Variants in TMEM119 observed in about 807,000 individuals in gnomAD.
TMEM119 encodes the protein osteoblast induction factor.
For synonymous variants in TMEM119, 182 were observed against 176.4 expected, an observed-to-expected ratio of 1.03 and a Z score of -0.25; for missense variants, 410 against 381.0, an observed-to-expected ratio of 1.08 and a Z score of -0.63.
intron 1 of TMEM119, among the ~76,000 whole-genome samples, chr12:108,597,346 T>C (rs1592808179): frequency 6.7e-6 from 1 of 149,800 alleles, no homozygotes; most frequent in Admixed American, 6.6e-5. Flanking sequence ...GGGGGAGGGG[T>C]GTTCTGGTTG....
chr12:108,591,692 G>A lies in TMEM119; in HGVS notation c.692C>T (p.Ala231Val), dbSNP rs151298360. The change falls in exon 2 of 2, where the codon GCG becomes GTG. Residue 231 changes from alanine (A) to valine (V), a missense_variant. Physicochemically the swap from Ala to Val is moderately conservative, Grantham distance 64. Transcript: ENST00000392806. This position sits in a 1 kb window ranked among gnomAD's most constrained non-coding sequence, Gnocchi z 4.2. The stretch of plus-strand genomic sequence containing the variant: ...GACCCCTGAGCACGGCTCCTCCTGC[G>A]CCTCTGGTGTCTCCACTGGGACCCC... ...GHGVPVETPE[A>V]QEEPCSGVLE... 55 of 1,613,618 alleles carry A rather than the reference G, an allele frequency of 3.4e-5. No homozygotes were observed. In the African/African-American group the frequency reaches 6.1e-4, roughly 18 times the overall value.
At chr12:108,593,841 G>T (rs557914094) in intron 1 of TMEM119, among the ~76,000 whole-genome samples, 1 of 152,364 alleles carries the variant, frequency 6.6e-6, no homozygotes, top group Non-Finnish European at 1.5e-5. Context: ...GCTCCCAGCT[G>T]CTCAAACCCA....
rs1288358431 is a variant in TMEM119, at chr12:108,592,291, C to T, written c.93G>A (p.Lys31=). Residue 31 remains lysine, a synonymous_variant, in exon 2 of 2, where the codon AAG becomes AAA. Coordinates refer to ENST00000392806, the MANE Select transcript of TMEM119 (RefSeq NM_181724.3). The surrounding 1 kb of genome is among the most constrained non-coding windows in gnomAD (Gnocchi z 4.3). ...CCGCCACATCCTCCAGGAACGTGGC[C>T]TTCAGGGGCACAGAGCGGGCGTCGG... ...PATDARSVPL[K]ATFLEDVAGS... The T allele has an allele frequency of 1.2e-6, 2 of 1,608,980 alleles. No individual in the cohort carries two copies. Among genetic ancestry groups the T allele is most frequent in the African/African-American group, 1.3e-5 (1 of 74,816 alleles).
At chr12:108,597,487 G>A (rs922921988) in intron 1 of TMEM119, among the ~76,000 whole-genome samples, 5 of 151,572 alleles carry the variant, frequency 3.3e-5, no homozygotes, top group Middle Eastern at 3.2e-3. Flanking sequence ...AGAGCAGCAT[G>A]GACACACAAT....
In TMEM119 at chr12:108,591,631, C is replaced by A. The variant is rs756004956; in HGVS notation, c.753G>T (p.Gly251=). 7 of 1,613,872 alleles carry A rather than the reference C, an allele frequency of 4.3e-6. No individual in the cohort carries two copies. The highest frequency in any genetic ancestry group is 5.9e-6 in the Non-Finnish European group (7 of 1,179,988). Residue 251 remains glycine, a synonymous_variant, in exon 2 of 2, where the codon GGG becomes GGT. Coordinates refer to ENST00000392806, the MANE Select transcript of TMEM119 (RefSeq NM_181724.3). This position sits in a 1 kb window ranked among gnomAD's most constrained non-coding sequence, Gnocchi z 4.2. ...CTAACAAGAGAGACCCTTCCAGCTCCCCTTGGCCCTCACCGGCCACCACAG... is the reference window on the plus strand; with the variant it reads ...CTAACAAGAGAGACCCTTCCAGCTCACCTTGGCCCTCACCGGCCACCACAG... The part of the protein sequence containing the change: ...EGAVVAGEGQ[G]ELEGSLLLAQ...
chr12:108,591,263 C>T lies in TMEM119; in HGVS notation c.*269G>A, dbSNP rs958301892. ...ATCCTGGCTGTCACAGGGACACGTGCCCTCCCTCACTTTGTCAGGGGAGCT... is the reference window on the plus strand; with the variant it reads ...ATCCTGGCTGTCACAGGGACACGTGTCCTCCCTCACTTTGTCAGGGGAGCT... On this transcript the variant is annotated 3_prime_UTR_variant, in exon 2 of 2. Coordinates refer to ENST00000392806, the MANE Select transcript of TMEM119 (RefSeq NM_181724.3). The surrounding 1 kb of genome is among the most constrained non-coding windows in gnomAD (Gnocchi z 4.2). The T allele has an allele frequency of 5.0e-6, 2 of 397,600 alleles. No homozygotes were observed. Among genetic ancestry groups the T allele is most frequent in the Admixed American group, 4.2e-5 (1 of 23,698 alleles). 24.6% of individuals were successfully genotyped at this position (397,600 alleles called of 1,614,324 possible).
rs561782320 is a variant in TMEM119, at chr12:108,592,652, T to C, written c.-14-255A>G. On this transcript the variant is annotated intron_variant, in intron 1 of 1. Coordinates refer to ENST00000392806, the MANE Select transcript of TMEM119 (RefSeq NM_181724.3). This position sits in a 1 kb window ranked among gnomAD's most constrained non-coding sequence, Gnocchi z 4.3. ...CCTCAGGGTTTGGCCCCATATCTGG[T>C]ATTCAGTAAGTGCTCAATAAATGTA... Among the ~76,000 whole-genome samples, 1 of 152,224 alleles carries C rather than the reference T, an allele frequency of 6.6e-6. No homozygotes were observed. Among genetic ancestry groups the C allele is most frequent in the East Asian group, 1.9e-4 (1 of 5,184 alleles).
At position 108,592,297 on chromosome 12, in the gene TMEM119, G is replaced by C. The variant is rs112440164; in HGVS notation, c.87C>G (p.Pro29=). The change falls in exon 2 of 2, where the codon CCC becomes CCG. Residue 29 remains proline, a synonymous_variant. Transcript: ENST00000392806. This position sits in a 1 kb window ranked among gnomAD's most constrained non-coding sequence, Gnocchi z 4.3. ...CATCCTCCAGGAACGTGGCCTTCAG[G>C]GGCACAGAGCGGGCGTCGGTAGCAG... ...SVPATDARSV[P]LKATFLEDVA... 2.5e-6 allele frequency: 4 copies of C among 1,607,948 alleles called. No homozygotes were observed. The highest frequency in any genetic ancestry group is 1.7e-5 in the Admixed American group (1 of 59,662).
At chr12:108,597,624 C>A (rs1049592758) in intron 1 of TMEM119, among the ~76,000 whole-genome samples, 6 of 151,926 alleles carry the variant, frequency 3.9e-5, no homozygotes, top group African/African-American at 1.5e-4. Context: ...ATACACAACC[C>A]CCTGACACAC....
chr12:108,593,611 T>C (rs1047607305), intron 1 of TMEM119, among the ~76,000 whole-genome samples: 1 of 151,952 alleles, frequency 6.6e-6, no homozygotes, highest in Non-Finnish European at 1.5e-5. Context: ...GAAGTCCTGG[T>C]TCCCAAGACA....
intron 1 of TMEM119, chr12:108,594,156 A>G (rs919606681): frequency 2.0e-5 from 3 of 152,242 alleles, no homozygotes; most frequent in Admixed American, 1.3e-4. Context: ...TACCTTCCCC[A>G]CAGGTACCGT....
At position 108,591,578 on chromosome 12, in the gene TMEM119, G is replaced by T; in HGVS notation, c.806C>A (p.Pro269His). The change falls in exon 2 of 2, where the codon CCC becomes CAC. Residue 269 changes from proline to histidine, a missense_variant. Physicochemically the swap from Pro to His is moderately conservative, Grantham distance 77. Transcript: ENST00000392806. The surrounding 1 kb of genome is among the most constrained non-coding windows in gnomAD (Gnocchi z 4.2). Reference sequence around the variant, plus strand: ...GCTGCAAGCACAGGGGCTTTCGGGGGGACCCACTGGTCCCTGGGCTTCCTG... The same window carrying T: ...GCTGCAAGCACAGGGGCTTTCGGGGTGACCCACTGGTCCCTGGGCTTCCTG... ...LAQEAQGPVG[P>H]PESPCACSSV... 6.2e-7 allele frequency: 1 copy of T among 1,612,824 alleles called. No homozygotes were observed. Among genetic ancestry groups the T allele is most frequent in the Non-Finnish European group, 8.5e-7 (1 of 1,179,466 alleles).
chr12:108,592,366 G>A lies in TMEM119; in HGVS notation c.18C>T (p.Ala6=), dbSNP rs1461368767. 2 of 1,561,008 alleles carry A rather than the reference G, an allele frequency of 1.3e-6. No homozygotes were observed. Among genetic ancestry groups the A allele is most frequent in the Non-Finnish European group, 1.7e-6 (2 of 1,160,958 alleles). The change falls in exon 2 of 2, where the codon GCC becomes GCT. Residue 6 remains alanine, a synonymous_variant. Transcript: ENST00000392806. The surrounding 1 kb of genome is among the most constrained non-coding windows in gnomAD (Gnocchi z 4.3). MVSAA[A]PSLLILLLLL... The stretch of plus-strand genomic sequence containing the variant: ...GCAACAGAAGGATGAGGAGGCTGGG[G>A]GCTGCCGCCGAAACCATGGTGCCCC...
rs1485677054 is a variant in TMEM119, at chr12:108,590,497, G to A, written c.*1035C>T. ...GATCACCTGAAGGTCAGGAGTTCCA[G>A]ACCAGCCTGGCCAACATGGTGAAGC... On this transcript the variant is annotated 3_prime_UTR_variant, in exon 2 of 2. Transcript: ENST00000392806. 6.6e-6 allele frequency: 1 copy of A among 152,194 alleles called. No individual in the cohort carries two copies. 9.4% of individuals were successfully genotyped at this position (152,194 alleles called of 1,614,324 possible). A position where few individuals can be genotyped will look rare whatever the true frequency, so the allele number is the denominator to read the frequency against.
intron 1 of TMEM119, chr12:108,594,278 G>C (rs951408206): frequency 1.3e-5 from 2 of 152,368 alleles, no homozygotes; most frequent in Admixed American, 6.5e-5. Context: ...GCATCAGCTG[G>C]GTGCGGTGGC....
chr12:108,597,223 G>A (rs971468093), intron 1 of TMEM119, among the ~76,000 whole-genome samples: 6 of 152,256 alleles, frequency 3.9e-5, no homozygotes, highest in African/African-American at 1.2e-4. Context: ...GAGGCCTGGG[G>A]GCCCCAAGAC....
At chr12:108,597,359 G>A (rs543061408) in intron 1 of TMEM119, among the ~76,000 whole-genome samples, 1 of 152,162 alleles carries the variant, frequency 6.6e-6, no homozygotes, top group South Asian at 2.1e-4. Flanking sequence ...TCTGGTTGGA[G>A]CACTGCACAT....
rs1376451134 is a variant in TMEM119, at chr12:108,592,418, G to T, written c.-14-21C>A. 2 of 1,525,196 alleles carry T rather than the reference G, an allele frequency of 1.3e-6. No homozygotes were observed. The highest frequency in any genetic ancestry group is 4.2e-5 in the Admixed American group (2 of 47,966). 94.5% of individuals were successfully genotyped at this position (1,525,196 alleles called of 1,614,324 possible). On this transcript the variant is annotated intron_variant, in intron 1 of 1. Transcript: ENST00000392806. This position sits in a 1 kb window ranked among gnomAD's most constrained non-coding sequence, Gnocchi z 4.3. The stretch of plus-strand genomic sequence containing the variant: ...AGGACCTGTGAGACAGGAGGGAGGA[G>T]AGAAGTCATGGCGGAACTCTAGAGT...
At chr12:108,597,536 A>G (rs757084009) in intron 1 of TMEM119, among the ~76,000 whole-genome samples, 1 of 151,936 alleles carries the variant, frequency 6.6e-6, no homozygotes, top group Non-Finnish European at 1.5e-5. Flanking sequence ...CTCACACAGC[A>G]CTGAGACACC....
Sources: allele counts gnomAD v4.1 joint callset (sites outside exome capture counted in the v4.1 genomes callset), GRCh38; gene constraint gnomAD v4.1.1; non-coding constraint Gnocchi (gnomAD v3.1); transcripts MANE v1.5; gene names NCBI Gene and HGNC (gene_info 2026-07-23, HGNC 2026-07-21).